The following INO80C variants were observed in gnomAD, a reference collection of about 807,000 sequenced individuals.
The protein encoded by INO80C is IES6 homolog.
INO80C carries 17 observed loss-of-function variants against 17.7 expected under a neutral mutation model. The ratio of observed to expected loss-of-function variants is 0.96; its 90% CI spans 0.66 to 1.44. The LOEUF (loss-of-function observed/expected upper bound fraction) is 1.44. Ranked by LOEUF, INO80C falls within the 40% of genes most tolerant of loss-of-function variation. The pLI, the probability that INO80C is intolerant of heterozygous loss-of-function variation, is 0.00. For synonymous variants in INO80C, 96 were observed against 95.8 expected (o/e 1.00, Z -0.01); for missense variants, 244 against 245.0 (o/e 1.00, Z 0.03).
At chr18:35,481,325 C>T (rs1222963408) in intron 1 of INO80C, among the ~76,000 whole-genome samples, 1 of 152,228 alleles carries the variant, frequency 6.6e-6, no homozygotes, top group East Asian at 1.9e-4. Flanking sequence ...AATACAATTT[C>T]CCATCTTGCC....
rs1416220776 is a variant in INO80C at position 35,478,275 on chromosome 18, TACTC to T, written c.447+3_447+6del. 2 of 1,575,780 alleles carry T rather than the reference TACTC, an allele frequency of 1.3e-6. No individual in the cohort carries two copies. Among genetic ancestry groups the T allele is most frequent in the South Asian group, 2.2e-5 (2 of 89,270 alleles). ...TTTAATGTTATAAGAGATATAATCA[TACTC>T]ACAAGCAGACCTGAAACATCAGAAT... On this transcript the variant is annotated splice_donor_5th_base_variant and intron_variant, in intron 4 of 4. Coordinates refer to ENST00000334598, the MANE Select transcript of INO80C (RefSeq NM_194281.4).
chr18:35,480,932 A>G (rs1194820591), intron 1 of INO80C, among the ~76,000 whole-genome samples: 1 of 152,262 alleles, frequency 6.6e-6, no homozygotes, highest in Non-Finnish European at 1.5e-5. Context: ...AACAGGTTCA[A>G]GGTCACATAG....
chr18:35,490,097 G>A (rs1233582541), intron 1 of INO80C, among the ~76,000 whole-genome samples: 1 of 152,162 alleles, frequency 6.6e-6, no homozygotes, highest in African/African-American at 2.4e-5. Flanking sequence ...AAGGAAGGTG[G>A]AGCTGGCATG....
intron 1 of INO80C, chr18:35,489,127 G>T (rs1257683840): frequency 1.8e-5 from 3 of 170,728 alleles, no homozygotes; most frequent in Non-Finnish European, 2.5e-5. Context: ...ACATTTTCCT[G>T]TCTTCTTCTG....
chr18:35,495,146 C>G (rs981000038), intron 1 of INO80C, among the ~76,000 whole-genome samples: 1 of 152,210 alleles, frequency 6.6e-6, no homozygotes, highest in Non-Finnish European at 1.5e-5. Flanking sequence ...AAATCTAAGA[C>G]AACCGGGCAC....
rs9954147 is a variant in INO80C at position 35,479,133 on chromosome 18, T to C, written c.379+167A>G. On this transcript the variant is annotated intron_variant, in intron 3 of 4. Coordinates refer to ENST00000334598, the MANE Select transcript of INO80C (RefSeq NM_194281.4). ...ACAAATAGGCTCAATACAGATACAG[T>C]TATGAGAAAATACACACATAATCTG... The C allele has an allele frequency of 1.2e-3, 674 of 571,852 alleles. 3 individuals carry two copies. Among genetic ancestry groups the C allele is most frequent in the African/African-American group, 0.011 (587 of 52,874 alleles). The allele number at this position is 571,852 out of a possible 1,614,324, so 35.4% of individuals were successfully genotyped here.
At chr18:35,472,300 T>C (rs2045680451) in intron 4 of INO80C, among the ~76,000 whole-genome samples, 1 of 152,226 alleles carries the variant, frequency 6.6e-6, no homozygotes, top group Admixed American at 6.5e-5. Flanking sequence ...CCATTCTAAC[T>C]GGTGTGAGAT....
rs1380564604 is a variant in INO80C, at chr18:35,479,103, CACAA to C, written c.379+193_379+196del. The stretch of plus-strand genomic sequence containing the variant: ...CCTAAAAACCACACATCCATGACAA[CACAA>C]ACAAATAGGCTCAATACAGATACAG... On this transcript the variant is annotated intron_variant, in intron 3 of 4. Coordinates refer to ENST00000334598, the MANE Select transcript of INO80C (RefSeq NM_194281.4). 1.5e-5 allele frequency: 7 copies of C among 476,496 alleles called. No homozygotes were observed. In the South Asian group the frequency reaches 1.7e-4, roughly 12 times the overall value. 29.5% of individuals were successfully genotyped at this position (476,496 alleles called of 1,614,324 possible). A position where few individuals can be genotyped will look rare whatever the true frequency, so the allele number is the denominator to read the frequency against.
In INO80C at chr18:35,497,902, C is replaced by T. The variant is rs1362362148; in HGVS notation, c.-28G>A. 3 of 1,504,984 alleles carry T rather than the reference C, an allele frequency of 2.0e-6. No individual in the cohort carries two copies. Among genetic ancestry groups the T allele is most frequent in the South Asian group, 1.3e-5 (1 of 77,932 alleles). The allele number at this position is 1,504,984 out of a possible 1,614,324, so 93.2% of individuals were successfully genotyped here. On this transcript the variant is annotated 5_prime_UTR_variant, in exon 1 of 5. Coordinates refer to ENST00000334598, the MANE Select transcript of INO80C (RefSeq NM_194281.4). ...CACTCCGAGTCTTCCCCTGGTCCCC[C>T]CACCTTTTTCCCAGCGCGGGCCTTG...
chr18:35,491,765 A>G (rs544532885), intron 1 of INO80C, among the ~76,000 whole-genome samples: 3 of 152,334 alleles, frequency 2.0e-5, no homozygotes, highest in South Asian at 4.1e-4. Flanking sequence ...CATCATTTCC[A>G]TATTACTAAA....
intron 4 of INO80C, among the ~76,000 whole-genome samples, chr18:35,476,545 A>T (rs866811775): frequency 1.3e-5 from 2 of 152,346 alleles, no homozygotes; most frequent in African/African-American, 4.8e-5. Flanking sequence ...GTCTATTAAA[A>T]AACGCTCAAT....
chr18:35,476,664 G>A (rs1006701530), intron 4 of INO80C, among the ~76,000 whole-genome samples: 1 of 152,176 alleles, frequency 6.6e-6, no homozygotes, highest in African/African-American at 2.4e-5. Context: ...CTTTAAAGAT[G>A]AATAGCCTAA....
intron 4 of INO80C, among the ~76,000 whole-genome samples, chr18:35,470,946 C>T (rs1346446448): frequency 6.6e-6 from 1 of 152,198 alleles, no homozygotes; most frequent in East Asian, 1.9e-4. Flanking sequence ...GCTTCAGGCC[C>T]CCCTTGCTGT....
At chr18:35,485,045 G>A (rs1034585167) in intron 1 of INO80C, among the ~76,000 whole-genome samples, 9 of 152,110 alleles carry the variant, frequency 5.9e-5, no homozygotes, top group African/African-American at 1.9e-4. Flanking sequence ...CACCCCTGGA[G>A]TCTCTCCCTC....
At chr18:35,489,212 A>T (rs1160317709) in intron 1 of INO80C, 1 of 203,504 alleles carries the variant, frequency 4.9e-6, no homozygotes, top group Admixed American at 5.6e-5. Flanking sequence ...GTATCTTTAC[A>T]TACAGCAGCA....
At chr18:35,479,237 G>C in intron 3 of INO80C, 63 bp downstream of exon 3, 2 of 1,006,228 alleles carry the variant, frequency 2.0e-6, no homozygotes, top group South Asian at 2.7e-5. Context: ...AATAATGTAG[G>C]TTGTTATAAG....
chr18:35,497,572 TC>T, intron 1 of INO80C, 146 bp downstream of exon 1: 1 of 1,421,948 alleles, frequency 7.0e-7, no homozygotes, highest in Non-Finnish European at 9.2e-7. Flanking sequence ...GAAAGAGTAG[TC>T]ATTCACTCCG....
chr18:35,474,671 A>G (rs2045713738), intron 4 of INO80C, among the ~76,000 whole-genome samples: 1 of 152,154 alleles, frequency 6.6e-6, no homozygotes, highest in Non-Finnish European at 1.5e-5. Context: ...TGGATTAGAG[A>G]GCAAGACTCT....
intron 1 of INO80C, chr18:35,497,202 C>A (rs2045991893): frequency 1.7e-5 from 5 of 296,630 alleles, no homozygotes; most frequent in Non-Finnish European, 2.5e-5. Flanking sequence ...TACTTCATAA[C>A]CTTAACAAGC....
Sources: gnomAD v4.1 joint callset for allele counts (sites outside exome capture counted in the v4.1 genomes callset) on GRCh38, gnomAD v4.1.1 for gene constraint, MANE v1.5 for transcripts, NCBI Gene and HGNC (gene_info 2026-07-23, HGNC 2026-07-21) for gene names.